PRRC2B: variants seen among roughly 807,000 people sequenced by gnomAD.
The protein encoded by PRRC2B is proline rich coiled-coil 2B, also known as protein PRRC2B.
PRRC2B carries 68 observed loss-of-function variants against 242.3 expected under a neutral mutation model. The ratio of observed to expected loss-of-function variants is 0.28; its 90% CI spans 0.23 to 0.34. PRRC2B has a LOEUF of 0.34. Ranked by LOEUF, PRRC2B falls within the 10% of genes least tolerant of loss-of-function variation. PRRC2B has a pLI of 1.00. For synonymous variants in PRRC2B, 1,228 were observed against 1,173.6 expected, an observed-to-expected ratio of 1.05 and a Z score of -0.95; for missense variants, 2,835 against 2,954.8, an observed-to-expected ratio of 0.96 and a Z score of 0.94.
chr9:131,451,906 AC>A (rs1942932252), intron 9 of PRRC2B, among the ~76,000 whole-genome samples: 1 of 148,964 alleles, frequency 6.7e-6, no homozygotes, highest in African/African-American at 2.5e-5. Context: ...CTTAGAATAA[AC>A]CCTCCCTCTT....
chr9:131,448,543 C>CAAAAAAAAAAAAAAAACAAAAA (rs1838885053), intron 9 of PRRC2B, among the ~76,000 whole-genome samples: 1 of 39,874 alleles, frequency 2.5e-5, no homozygotes, highest in Non-Finnish European at 5.3e-5. Flanking sequence ...GACACTGTCT[C>CAAAAAAAAAAAAAAAACAAAAA]AAAAAAAAAA....
chr9:131,495,997 A>C lies in PRRC2B; in HGVS notation c.*123A>C, dbSNP rs1588287203. On this transcript the variant is annotated 3_prime_UTR_variant, in exon 32 of 32. Coordinates refer to ENST00000683519, the MANE Select transcript of PRRC2B (RefSeq NM_013318.4). ...CCAAATGCGTGGCCCAGACTGAGAG[A>C]CCTCCCTCCTCTCCACTCCCGAAAG... 3 of 1,324,556 alleles carry C rather than the reference A, an allele frequency of 2.3e-6. No individual in the cohort carries two copies. Among genetic ancestry groups the C allele is most frequent in the Non-Finnish European group, 3.1e-6 (3 of 978,026 alleles). The allele number at this position is 1,324,556 out of a possible 1,614,324, so 82.1% of individuals were successfully genotyped here.
chr9:131,437,044 T>C (rs1189546941), intron 4 of PRRC2B, among the ~76,000 whole-genome samples: 1 of 152,110 alleles, frequency 6.6e-6, no homozygotes, highest in African/African-American at 2.4e-5. Flanking sequence ...TGAAGCTCCA[T>C]GGAAGCGTCA....
At chr9:131,454,868 T>C (rs1242517989) in intron 9 of PRRC2B, among the ~76,000 whole-genome samples, 1 of 149,430 alleles carries the variant, frequency 6.7e-6, no homozygotes, top group Non-Finnish European at 1.5e-5. Context: ...ACTCCTGACC[T>C]CATGATCCGC....
chr9:131,443,996 C>G (rs187184867), intron 5 of PRRC2B, among the ~76,000 whole-genome samples, 189 bp from the exon 6 acceptor site: 103 of 152,346 alleles, frequency 6.8e-4, no homozygotes, highest in Non-Finnish European at 1.1e-3. Context: ...GGGCATGATG[C>G]TGTCAGCAGC....
chr9:131,390,774 G>T (rs1229014659), upstream of PRRC2B, among the ~76,000 whole-genome samples: 5 of 128,816 alleles, frequency 3.9e-5, no homozygotes, highest in Admixed American at 4.5e-4. Context: ...GAGCCACTGT[G>T]CCCTAGCTTT....
intron 9 of PRRC2B, among the ~76,000 whole-genome samples, chr9:131,451,137 C>A (rs112219159): frequency 6.6e-6 from 1 of 152,322 alleles, no homozygotes; most frequent in South Asian, 2.1e-4. Context: ...CAGTGGCTCA[C>A]GCCTGTAATC....
chr9:131,421,265 G>T (rs1358461281), intron 1 of PRRC2B, among the ~76,000 whole-genome samples: 1 of 152,142 alleles, frequency 6.6e-6, no homozygotes, highest in Non-Finnish European at 1.5e-5. Flanking sequence ...CACACACATT[G>T]GTCAGTAAAC....
intron 29 of PRRC2B, among the ~76,000 whole-genome samples, chr9:131,491,798 G>C (rs528828440): frequency 6.6e-6 from 1 of 152,312 alleles, no homozygotes; most frequent in Admixed American, 6.5e-5. Flanking sequence ...TTCCTCCCCA[G>C]CTCCCCAGGA....
intron 31 of PRRC2B, among the ~76,000 whole-genome samples, chr9:131,495,274 C>T (rs1944300497): frequency 6.6e-6 from 1 of 151,974 alleles, no homozygotes; most frequent in Non-Finnish European, 1.5e-5. Context: ...GGGGGGTTGG[C>T]TGAATCGCGG....
Position 131,495,965 on chromosome 9 carries a change from C to T in PRRC2B, c.*91C>T, listed in dbSNP as rs1944323917. 1.3e-6 allele frequency: 2 copies of T among 1,536,924 alleles called. No individual in the cohort carries two copies. Among genetic ancestry groups the T allele is most frequent in the Admixed American group, 3.5e-5 (2 of 56,508 alleles). On this transcript the variant is annotated 3_prime_UTR_variant, in exon 32 of 32. Transcript: ENST00000683519. The stretch of plus-strand genomic sequence containing the variant: ...CCGACACTCGGGAGCCTCACCAGAT[C>T]CACCGTCCAAATGCGTGGCCCAGAC...
At chr9:131,401,700 G>A (rs1382320560) in intron 1 of PRRC2B, among the ~76,000 whole-genome samples, 2 of 151,934 alleles carry the variant, frequency 1.3e-5, no homozygotes, top group Non-Finnish European at 2.9e-5. Flanking sequence ...TTTTGATGTT[G>A]CCCAGGCTGG....
chr9:131,378,828 C>T (rs1836718872), intron 1 of PRRC2B, among the ~76,000 whole-genome samples: 2 of 152,082 alleles, frequency 1.3e-5, no homozygotes, highest in Admixed American at 1.3e-4. Flanking sequence ...AAGTGATTCT[C>T]CTGCGTCAGC....
At chr9:131,478,384 G>C in intron 17 of PRRC2B, 90 bp from the exon 18 acceptor site, 1 of 1,274,396 alleles carries the variant, frequency 7.8e-7, no homozygotes, top group East Asian at 2.3e-5. Context: ...TGTCGAGCCT[G>C]ATGCTAGATC....
At chr9:131,434,974 T>G (rs1019926822) in intron 3 of PRRC2B, among the ~76,000 whole-genome samples, 2 of 152,028 alleles carry the variant, frequency 1.3e-5, no homozygotes, top group South Asian at 4.2e-4. Context: ...TGGAATTACT[T>G]ACAGAAAAAT....
Position 131,436,742 on chromosome 9 carries a change from C to T in PRRC2B, c.396+20C>T, listed in dbSNP as rs1838388282. On this transcript the variant is annotated intron_variant, in intron 4 of 31. Transcript: ENST00000683519. ...CAGGAGGTAGGTGCTGGGACCCCAT[C>T]CCAACTGTTTCCTGGGCATGGTAGC... The T allele has an allele frequency of 6.3e-7, 1 of 1,588,450 alleles. No homozygotes were observed. The highest frequency in any genetic ancestry group is 8.6e-7 in the Non-Finnish European group (1 of 1,158,498).
chr9:131,491,769 T>C (rs549199907), intron 29 of PRRC2B, among the ~76,000 whole-genome samples, 189 bp downstream of exon 29: 88 of 152,352 alleles, frequency 5.8e-4, no homozygotes, highest in African/African-American at 1.9e-3. Context: ...TGTCGAGGGC[T>C]GAGGGCCAGG....
In PRRC2B at chr9:131,479,264, G is replaced by T. The variant is rs770000014; in HGVS notation, c.4771G>T (p.Gly1591Cys). The change falls in exon 19 of 32, where the codon GGT becomes TGT. Residue 1591 changes from glycine (G) to cysteine (C), a missense_variant. Gly to Cys is a radical substitution (Grantham distance 159). Transcript: ENST00000683519. The part of the protein sequence containing the change: ...KEQAVQVPVK[G>C]RGLSSRIPPR... ...TTCTTCCCCTCAGGTGCCTGTCAAA[G>T]GTCGAGGCCTTTCCTCCCGTATTCC... is the stretch of plus-strand genomic sequence containing the variant. 6.2e-7 allele frequency: 1 copy of T among 1,613,810 alleles called. No individual in the cohort carries two copies. The highest frequency in any genetic ancestry group is 8.5e-7 in the Non-Finnish European group (1 of 1,179,780).
rs764905453 is a variant in PRRC2B at position 131,491,541 on chromosome 9, G to T, written c.6342G>T (p.Pro2114=). ...LSVGAPRRIP[P]PGSQPPVLNT... ...TTGGGGCCCCCCGAAGGATTCCTCC[G>T]CCCGGGTCCCAGCCGCCAGTCCTGA... is the stretch of plus-strand genomic sequence containing the variant. Residue 2114 remains proline, a synonymous_variant, in exon 29 of 32, where the codon CCG becomes CCT. Transcript: ENST00000683519. The T allele has an allele frequency of 2.5e-6, 4 of 1,611,296 alleles. No individual in the cohort carries two copies. The highest frequency in any genetic ancestry group is 1.1e-5 in the South Asian group (1 of 90,736).
Sources: gnomAD v4.1 joint callset for allele counts (sites outside exome capture counted in the v4.1 genomes callset) on GRCh38, gnomAD v4.1.1 for gene constraint, MANE v1.5 for transcripts, NCBI Gene and HGNC (gene_info 2026-07-23, HGNC 2026-07-21) for gene names.